The following SCAP variants were observed in gnomAD, a reference collection of about 807,000 sequenced individuals.
SCAP encodes sterol regulatory element-binding protein cleavage-activating protein.
In SCAP, 65 loss-of-function variants were observed where a neutral mutation model predicts 123.6. That is an observed-to-expected ratio of 0.53 (90% CI 0.43 to 0.65). The LOEUF (loss-of-function observed/expected upper bound fraction) is 0.65, where lower values mean the gene tolerates loss of function less well. Ranked by LOEUF, SCAP falls within the 30% of genes least tolerant of loss-of-function variation. The pLI is 0.00. For synonymous variants in SCAP, 740 were observed against 726.3 expected, an observed-to-expected ratio of 1.02 and a Z score of -0.30; for missense variants, 1,398 against 1,712.5, an observed-to-expected ratio of 0.82 and a Z score of 3.24.
intron 1 of SCAP, among the ~76,000 whole-genome samples, chr3:47,464,715 C>T (rs1707763159): frequency 6.6e-6 from 1 of 152,154 alleles, no homozygotes; most frequent in Non-Finnish European, 1.5e-5. Context: ...AAGGATGCCA[C>T]TTCTATTTAA....
chr3:47,414,747 C>G, intron 20 of SCAP, 80 bp downstream of exon 20: 1 of 1,606,050 alleles, frequency 6.2e-7, no homozygotes, highest in South Asian at 1.1e-5. Flanking sequence ...AGGACTCTTC[C>G]AGCCTCTCCC....
chr3:47,419,251 G>C lies in SCAP; in HGVS notation c.1940+77C>G. 2 of 1,503,566 alleles carry C rather than the reference G, an allele frequency of 1.3e-6. No individual in the cohort carries two copies. The highest frequency in any genetic ancestry group is 1.8e-6 in the Non-Finnish European group (2 of 1,112,370). 93.1% of individuals were successfully genotyped at this position (1,503,566 alleles called of 1,614,324 possible). On this transcript the variant is annotated intron_variant, in intron 13 of 22. Coordinates refer to ENST00000265565, the MANE Select transcript of SCAP (RefSeq NM_012235.4). This position sits in a 1 kb window ranked among gnomAD's most constrained non-coding sequence, Gnocchi z 5.0. ...AATTATTTGCATAATTCAAACCTGT[G>C]GGCCTCCTGCATTGGGGAAAGGGGA...
Position 47,434,635 on chromosome 3 carries a change from C to T in SCAP, c.252+373G>A, listed in dbSNP as rs565036280. Among the ~76,000 whole-genome samples, 56 of 152,250 alleles carry T rather than the reference C, an allele frequency of 3.7e-4. 1 individual carries two copies. The highest frequency in any genetic ancestry group is 1.3e-3 in the African/African-American group (55 of 41,542). ...GGTAGATCACCCAAGGTCAGGAGTTCGAGACCAGCTTGGCCAACATAGTGA... is the reference window on the plus strand; with the variant it reads ...GGTAGATCACCCAAGGTCAGGAGTTTGAGACCAGCTTGGCCAACATAGTGA... On this transcript the variant is annotated intron_variant, in intron 3 of 22. Transcript: ENST00000265565.
intron 1 of SCAP, 183 bp from the exon 2 acceptor site, chr3:47,443,274 ACACT>A (rs1413036459): frequency 1.1e-3 from 97 of 89,604 alleles, no homozygotes; most frequent in African/African-American, 5.7e-3. Context: ...ACACACACAC[ACACT>A]CTCTCTCTCT....
chr3:47,414,369 A>G lies in SCAP; in HGVS notation c.3405T>C (p.Ser1135=), dbSNP rs1477631162. The part of the protein sequence containing the change: ...VYIDQTMVLA[S]GGQDGAICLW... ...GGCAGATGGCCCCATCTTGTCCTCC[A>G]CTGGCCAGCACCATGGTCTGGGGAA... is the stretch of plus-strand genomic sequence containing the variant. The change falls in exon 22 of 23, where the codon AGT becomes AGC. Residue 1135 remains serine, a synonymous_variant. Transcript: ENST00000265565. 2 of 1,612,632 alleles carry G rather than the reference A, an allele frequency of 1.2e-6. No homozygotes were observed. The highest frequency in any genetic ancestry group is 3.3e-5 in the Admixed American group (2 of 59,998).
chr3:47,445,532 A>G (rs1209592925), intron 1 of SCAP, among the ~76,000 whole-genome samples: 2 of 151,570 alleles, frequency 1.3e-5, no homozygotes, highest in Admixed American at 1.3e-4. Flanking sequence ...GGCATGAGCC[A>G]CCACGCCAGG....
intron 16 of SCAP, 101 bp downstream of exon 16, chr3:47,418,033 G>A: frequency 1.2e-6 from 1 of 809,656 alleles, no homozygotes; most frequent in Non-Finnish European, 2.0e-6. Flanking sequence ...GAGGGGTTGG[G>A]GGATACCTCG....
At position 47,414,988 on chromosome 3, in the gene SCAP, G is replaced by T; in HGVS notation, c.3145C>A (p.Pro1049Thr). The T allele has an allele frequency of 6.3e-7, 1 of 1,588,438 alleles. No individual in the cohort carries two copies. The highest frequency in any genetic ancestry group is 8.6e-7 in the Non-Finnish European group (1 of 1,168,864). The change falls in exon 20 of 23, where the codon CCA (proline) becomes ACA (threonine). Residue 1049 changes from proline to threonine, a missense_variant. Coordinates refer to ENST00000265565, the MANE Select transcript of SCAP (RefSeq NM_012235.4). Reference sequence around the variant, plus strand: ...GAGGCAGGGGAACTGCCCCGCCCTGGGGTCCCTGAGGACAAAAGGCCAAGT... The same window carrying T: ...GAGGCAGGGGAACTGCCCCGCCCTGTGGTCCCTGAGGACAAAAGGCCAAGT... Reference protein sequence around the residue: ...ALSPLQFRGTPGRGSSPASPV... With the variant: ...ALSPLQFRGTTGRGSSPASPV...
At chr3:47,440,657 T>G (rs1021042049) in intron 2 of SCAP, among the ~76,000 whole-genome samples, 1 of 152,138 alleles carries the variant, frequency 6.6e-6, no homozygotes, top group Non-Finnish European at 1.5e-5. Flanking sequence ...GATCACGAGC[T>G]CAGGAGTTTG....
Position 47,420,530 on chromosome 3 carries a change from G to A in SCAP, c.1563+24C>T. ...AGCACCGGCCCTCCAGAAGAGGGCA[G>A]GGCAGGGCAGGGGTGGCAGGTACCA... On this transcript the variant is annotated intron_variant, in intron 12 of 22. Coordinates refer to ENST00000265565, the MANE Select transcript of SCAP (RefSeq NM_012235.4). The surrounding 1 kb of genome is among the most constrained non-coding windows in gnomAD (Gnocchi z 5.0). The A allele has an allele frequency of 6.4e-7, 1 of 1,568,476 alleles. No homozygotes were observed. The highest frequency in any genetic ancestry group is 8.6e-7 in the Non-Finnish European group (1 of 1,156,564).
At chr3:47,425,217 C>CACACACCCCTTATAT in intron 8 of SCAP, 1 of 429,754 alleles carries the variant, frequency 2.3e-6, no homozygotes, top group Non-Finnish European at 4.2e-6. Flanking sequence ...AACATACCAA[C>CACACACCCCTTATAT]ACACACCCCT....
At chr3:47,424,193 C>A in intron 8 of SCAP, 148 bp from the exon 9 acceptor site, 1 of 633,258 alleles carries the variant, frequency 1.6e-6, no homozygotes, top group Non-Finnish European at 2.9e-6. Context: ...CCCTTGTCCA[C>A]CTCACCCAAC....
chr3:47,445,633 G>A (rs963399124), intron 1 of SCAP, among the ~76,000 whole-genome samples: 11 of 151,888 alleles, frequency 7.2e-5, no homozygotes, highest in Admixed American at 2.0e-4. Flanking sequence ...GTGCAGCAGC[G>A]CGATCTCAGC....
At chr3:47,429,877 C>T (rs961771332) in intron 3 of SCAP, among the ~76,000 whole-genome samples, 1 of 152,198 alleles carries the variant, frequency 6.6e-6, no homozygotes. Flanking sequence ...ACTCTACACT[C>T]CCCAAAGCAT....
At chr3:47,458,180 C>T (rs1009918070) in intron 1 of SCAP, among the ~76,000 whole-genome samples, 4 of 152,090 alleles carry the variant, frequency 2.6e-5, no homozygotes, top group African/African-American at 9.7e-5. Context: ...TGCCTGTAAT[C>T]CCAGCACTTT....
intron 1 of SCAP, among the ~76,000 whole-genome samples, chr3:47,470,271 G>A (rs184165230): frequency 2.6e-4 from 39 of 152,154 alleles, no homozygotes; most frequent in Admixed American, 5.9e-4. Flanking sequence ...CAGGTAAGAA[G>A]ATTACTGCAT....
At chr3:47,471,439 T>G (rs1256606785) in intron 1 of SCAP, among the ~76,000 whole-genome samples, 2 of 152,218 alleles carry the variant, frequency 1.3e-5, no homozygotes, top group Non-Finnish European at 2.9e-5. Flanking sequence ...AACTTGACTC[T>G]GAGCTTCCTA....
intron 3 of SCAP, among the ~76,000 whole-genome samples, chr3:47,431,157 T>C (rs1413461930): frequency 1.5e-5 from 1 of 67,416 alleles, no homozygotes; most frequent in Non-Finnish European, 3.4e-5. Flanking sequence ...CCACAGGCTA[T>C]GACCAGAACA....
In SCAP at chr3:47,418,684, C is replaced by CA; in HGVS notation, c.2099dup (p.Gln701AlafsTer129). On this transcript the variant is annotated frameshift_variant, in exon 14 of 23. Coordinates refer to ENST00000265565, the MANE Select transcript of SCAP (RefSeq NM_012235.4). LOFTEE classifies it high-confidence loss of function. ...ACAGCGTGACGTCTCCATGGGCCTG[C>CA]ACCCCACCTGGGCCCTTGGGTCCTG... 2 of 1,596,980 alleles carry CA rather than the reference C, an allele frequency of 1.3e-6. No homozygotes were observed. The highest frequency in any genetic ancestry group is 1.7e-6 in the Non-Finnish European group (2 of 1,171,284).
Sources: gnomAD v4.1 joint callset for allele counts (sites outside exome capture counted in the v4.1 genomes callset) on GRCh38, gnomAD v4.1.1 for gene constraint, Gnocchi (gnomAD v3.1) non-coding constraint, MANE v1.5 for transcripts, NCBI Gene and HGNC (gene_info 2026-07-23, HGNC 2026-07-21) for gene names.